ENAH: variants seen among roughly 807,000 people sequenced by gnomAD.
The protein encoded by ENAH is protein enabled homolog.
In ENAH, 23 loss-of-function variants were observed where a neutral mutation model predicts 78.7. That is an observed-to-expected ratio of 0.29 (90% CI 0.21 to 0.41). The LOEUF (loss-of-function observed/expected upper bound fraction) is 0.41, where lower values mean the gene tolerates loss of function less well. ENAH is among the 10% of genes least tolerant of loss of function. The pLI, the probability that ENAH is intolerant of heterozygous loss-of-function variation, is 1.00. For missense variants in ENAH, 544 were observed against 691.0 expected (o/e 0.79, Z 2.39); for synonymous variants, 226 against 241.0 (o/e 0.94, Z 0.58).
intron 9 of ENAH, 111 bp downstream of exon 9, chr1:225,512,546 T>A: frequency 6.4e-6 from 7 of 1,096,636 alleles, no homozygotes; most frequent in Non-Finnish European, 7.7e-6. Flanking sequence ...TTAGCAAATA[T>A]AAGTTCAAAC....
chr1:225,560,884 A>G (rs1010469190), intron 2 of ENAH, among the ~76,000 whole-genome samples: 2 of 152,242 alleles, frequency 1.3e-5, no homozygotes, highest in Non-Finnish European at 2.9e-5. Flanking sequence ...AAAGTTGTGG[A>G]AAATATTACT....
chr1:225,499,750 A>C (rs575020948), intron 12 of ENAH, among the ~76,000 whole-genome samples: 2 of 152,338 alleles, frequency 1.3e-5, no homozygotes, highest in African/African-American at 4.8e-5. Context: ...ACACAATTTT[A>C]ATGGGTGAAA....
chr1:225,518,034 A>C, intron 5 of ENAH: 1 of 1,490,484 alleles, frequency 6.7e-7, no homozygotes, highest in Non-Finnish European at 8.9e-7. Context: ...AGGATAAAAA[A>C]GGAGAGAGAA....
chr1:225,501,524 C>G (rs1452766491), intron 11 of ENAH, among the ~76,000 whole-genome samples: 2 of 152,172 alleles, frequency 1.3e-5, no homozygotes, highest in African/African-American at 4.8e-5. Context: ...ATGTTTTACA[C>G]TAACATAAAT....
intron 1 of ENAH, among the ~76,000 whole-genome samples, chr1:225,627,174 G>A (rs1658103674): frequency 6.6e-6 from 1 of 152,130 alleles, no homozygotes; most frequent in Non-Finnish European, 1.5e-5. Context: ...TTATTTTTAT[G>A]TCTGAAACTT....
At chr1:225,518,955 G>A in intron 5 of ENAH, 1 of 599,404 alleles carries the variant, frequency 1.7e-6, no homozygotes, top group Non-Finnish European at 2.7e-6. Flanking sequence ...GGTGTTAGAA[G>A]AATTAGAATG....
intron 2 of ENAH, 44 bp from the exon 3 acceptor site, chr1:225,555,127 A>C: frequency 6.9e-7 from 1 of 1,457,714 alleles, no homozygotes; most frequent in Non-Finnish European, 9.3e-7. Context: ...AATAATTGGC[A>C]AAATCAAGGA....
intron 1 of ENAH, among the ~76,000 whole-genome samples, chr1:225,608,538 A>C (rs1302216441): frequency 6.6e-6 from 1 of 152,032 alleles, no homozygotes; most frequent in Non-Finnish European, 1.5e-5. Flanking sequence ...CTTGGAGGCC[A>C]GGCACCGTGG....
At chr1:225,645,688 G>C (rs1575855892) in intron 1 of ENAH, among the ~76,000 whole-genome samples, 1 of 152,152 alleles carries the variant, frequency 6.6e-6, no homozygotes, top group South Asian at 2.1e-4. Context: ...AAAAGTGGGG[G>C]ATTTACTCTT....
intron 2 of ENAH, among the ~76,000 whole-genome samples, chr1:225,561,104 C>A (rs992287381): frequency 2.0e-5 from 3 of 151,436 alleles, no homozygotes; most frequent in African/African-American, 7.3e-5. Context: ...CTTGGTGGTG[C>A]GTGCCTGTAA....
At chr1:225,599,080 G>A (rs1447743879) in intron 1 of ENAH, among the ~76,000 whole-genome samples, 2 of 152,116 alleles carry the variant, frequency 1.3e-5, no homozygotes, top group African/African-American at 4.8e-5. Flanking sequence ...ACATCACTAG[G>A]TAATACAATA....
chr1:225,540,976 A>C (rs2096585761), intron 3 of ENAH, among the ~76,000 whole-genome samples: 1 of 152,210 alleles, frequency 6.6e-6, no homozygotes, highest in African/African-American at 2.4e-5. Flanking sequence ...CACAAAAAAA[A>C]CCCCACATAT....
At chr1:225,535,638 G>T (rs1454346204) in intron 3 of ENAH, 2 of 792,644 alleles carry the variant, frequency 2.5e-6, no homozygotes, top group African/African-American at 3.6e-5. Context: ...TAAACTAAAA[G>T]GTGCTTTGAA....
At chr1:225,631,160 A>C (rs1658950372) in intron 1 of ENAH, among the ~76,000 whole-genome samples, 1 of 152,208 alleles carries the variant, frequency 6.6e-6, no homozygotes, top group African/African-American at 2.4e-5. Context: ...TATACCCTAT[A>C]CTGACTGACA....
intron 11 of ENAH, chr1:225,505,043 G>C: frequency 6.2e-7 from 1 of 1,611,314 alleles, no homozygotes; most frequent in South Asian, 1.1e-5. Context: ...TTTTTCCTTG[G>C]AGAATCCCGT....
At chr1:225,559,822 G>C (rs954556766) in intron 2 of ENAH, among the ~76,000 whole-genome samples, 8 of 152,162 alleles carry the variant, frequency 5.3e-5, no homozygotes, top group African/African-American at 1.9e-4. Flanking sequence ...CAAGCACGCA[G>C]AAAATCTCCC....
At position 225,491,454 on chromosome 1, in the gene ENAH, A is replaced by T. The variant is rs1380078835; in HGVS notation, c.*6321T>A. The T allele has an allele frequency of 6.7e-6, 1 of 148,708 alleles. No individual in the cohort carries two copies. The highest frequency in any genetic ancestry group is 2.5e-5 in the African/African-American group (1 of 40,330). The allele number at this position is 148,708 out of a possible 1,614,324, so 9.2% of individuals were successfully genotyped here. On this transcript the variant is annotated 3_prime_UTR_variant, in exon 14 of 14. Coordinates refer to ENST00000366843, the MANE Select transcript of ENAH (RefSeq NM_018212.6). ...CACCATGCCCGGCCATGAAACATTT[A>T]TTTTTAAAATGCCTTTAATCTTTAA...
At chr1:225,504,722 C>G (rs189627024) in intron 11 of ENAH, among the ~76,000 whole-genome samples, 86 of 152,272 alleles carry the variant, frequency 5.6e-4, no homozygotes, top group Admixed American at 1.1e-3. Flanking sequence ...ATAAGGCGAA[C>G]AGCCTTTAAA....
At chr1:225,502,891 T>C (rs946739648) in intron 11 of ENAH, among the ~76,000 whole-genome samples, 6 of 152,232 alleles carry the variant, frequency 3.9e-5, no homozygotes, top group African/African-American at 1.4e-4. Flanking sequence ...TACTCTGCTT[T>C]TCTTTTACAT....
Sources: gnomAD v4.1 joint callset for allele counts (sites outside exome capture counted in the v4.1 genomes callset) on GRCh38, gnomAD v4.1.1 for gene constraint, MANE v1.5 for transcripts, NCBI Gene and HGNC (gene_info 2026-07-23, HGNC 2026-07-21) for gene names.